GALNT13: variants seen among roughly 807,000 people sequenced by gnomAD.
GALNT13 encodes polypeptide N-acetylgalactosaminyltransferase 13.
In GALNT13, 28 loss-of-function variants were observed where a neutral mutation model predicts 64.2. The observed-to-expected ratio is 0.44, with a 90% CI of 0.32 to 0.60. The LOEUF (loss-of-function observed/expected upper bound fraction) is 0.60, where lower values mean the gene tolerates loss of function less well. GALNT13 is among the 20% of genes least tolerant of loss of function. GALNT13 has a pLI of 0.05. For missense variants in GALNT13, 577 were observed against 669.8 expected (o/e 0.86, Z 1.53); for synonymous variants, 214 against 224.6 (o/e 0.95, Z 0.42).
At chr2:154,450,300 G>A (rs1217528400) in intron 12 of GALNT13, 111 bp from the exon 13 acceptor site, 13 of 890,042 alleles carry the variant, frequency 1.5e-5, no homozygotes, top group Middle Eastern at 3.4e-4. Context: ...CTATCACAGT[G>A]TATTATACTA....
the GALNT13 span, among the ~76,000 whole-genome samples, chr2:153,539,918 G>A: frequency 1.3e-5 from 2 of 152,198 alleles, no homozygotes; most frequent in Non-Finnish European, 2.9e-5. Flanking sequence ...GAGCATAAAA[G>A]TTTGGAAAAT....
At chr2:153,655,347 AT>A in the GALNT13 span, among the ~76,000 whole-genome samples, 1 of 152,138 alleles carries the variant, frequency 6.6e-6, no homozygotes, top group Non-Finnish European at 1.5e-5. Context: ...CTAAAACGTG[AT>A]TCTACAGGTG....
At chr2:154,395,622 A>G (rs1699020649) in intron 9 of GALNT13, among the ~76,000 whole-genome samples, 1 of 152,166 alleles carries the variant, frequency 6.6e-6, no homozygotes, top group African/African-American at 2.4e-5. Context: ...GAATATTAAC[A>G]AAAACATTGG....
chr2:153,991,880 A>G (rs1695181800), intron 3 of GALNT13, among the ~76,000 whole-genome samples: 3 of 152,166 alleles, frequency 2.0e-5, no homozygotes, highest in Admixed American at 2.0e-4. Flanking sequence ...GTTGAAGGTC[A>G]TCATCATCTG....
chr2:153,824,397 C>T, the GALNT13 span, among the ~76,000 whole-genome samples: 591 of 152,244 alleles, frequency 3.9e-3, 6 homozygotes, highest in African/African-American at 0.013. Context: ...CAAAATAAAT[C>T]ATTTTACCAA....
At chr2:154,228,869 A>G (rs1688767537) in intron 4 of GALNT13, among the ~76,000 whole-genome samples, 2 of 152,068 alleles carry the variant, frequency 1.3e-5, no homozygotes, top group Admixed American at 1.3e-4. Flanking sequence ...GAATTTAGAT[A>G]AAACAAATAT....
chr2:154,431,686 T>C (rs1700716244), intron 11 of GALNT13, among the ~76,000 whole-genome samples: 1 of 152,236 alleles, frequency 6.6e-6, no homozygotes, highest in Admixed American at 6.5e-5. Context: ...TCATCTTGAA[T>C]TGTAGCTCCC....
chr2:153,145,996 G>A, the GALNT13 span, among the ~76,000 whole-genome samples: 2 of 151,702 alleles, frequency 1.3e-5, no homozygotes, highest in East Asian at 2.0e-4. Flanking sequence ...TCATGTCTTG[G>A]GAAACTCACT....
At position 154,113,089 on chromosome 2, in the gene GALNT13, G is replaced by A. The variant is rs116367208; in HGVS notation, c.143-27248G>A. ...AGGTGGCATGGTGCCTTGATGACCC[G>A]TAGGCAAACATTCAGTTTCCACCAA... On this transcript the variant is annotated intron_variant, in intron 3 of 12. Transcript: ENST00000392825. Among the ~76,000 whole-genome samples the A allele has an allele frequency of 5.4e-3, 817 of 152,238 alleles. 5 individuals carry two copies. The highest frequency in any genetic ancestry group is 9.3e-3 in the Non-Finnish European group (630 of 68,022).
the GALNT13 span, among the ~76,000 whole-genome samples, chr2:153,161,663 G>T: frequency 6.6e-6 from 1 of 152,122 alleles, no homozygotes; most frequent in Non-Finnish European, 1.5e-5. Flanking sequence ...TGGTGTGAGA[G>T]AAAATCATGA....
At chr2:153,728,177 C>T in the GALNT13 span, among the ~76,000 whole-genome samples, 1 of 152,142 alleles carries the variant, frequency 6.6e-6, no homozygotes, top group Non-Finnish European at 1.5e-5. Context: ...TAAATCCTTG[C>T]TCTTCTAGAT....
At chr2:153,319,838 C>T in the GALNT13 span, among the ~76,000 whole-genome samples, 1 of 152,100 alleles carries the variant, frequency 6.6e-6, no homozygotes, top group African/African-American at 2.4e-5. Context: ...TTTCATGGTT[C>T]CCATTTCTCA....
At chr2:153,612,249 ATT>A in the GALNT13 span, among the ~76,000 whole-genome samples, 1 of 152,128 alleles carries the variant, frequency 6.6e-6, no homozygotes, top group Non-Finnish European at 1.5e-5. Flanking sequence ...GGGGGTGTAA[ATT>A]AGTTCAACTG....
the GALNT13 span, among the ~76,000 whole-genome samples, chr2:153,838,059 T>C: frequency 2.0e-5 from 3 of 152,202 alleles, no homozygotes; most frequent in South Asian, 2.1e-4. Context: ...TTTGTATATC[T>C]TCTTTGGATA....
At chr2:153,229,963 A>C in the GALNT13 span, among the ~76,000 whole-genome samples, 1 of 152,214 alleles carries the variant, frequency 6.6e-6, no homozygotes, top group African/African-American at 2.4e-5. Context: ...ATGTCCAGTA[A>C]AATCATTTGC....
chr2:153,801,971 A>G, the GALNT13 span, among the ~76,000 whole-genome samples: 1 of 152,088 alleles, frequency 6.6e-6, no homozygotes, highest in Non-Finnish European at 1.5e-5. Flanking sequence ...TCTCATTAAT[A>G]TTCTCAAGAA....
the GALNT13 span, among the ~76,000 whole-genome samples, chr2:153,232,143 G>C: frequency 1.3e-5 from 2 of 152,148 alleles, no homozygotes; most frequent in South Asian, 4.1e-4. Context: ...ACACAAATAA[G>C]TACTTTCATG....
chr2:154,368,390 A>T (rs1456405048), intron 9 of GALNT13, among the ~76,000 whole-genome samples: 1 of 152,086 alleles, frequency 6.6e-6, no homozygotes, highest in Admixed American at 6.6e-5. Context: ...GACTGACCAG[A>T]TGCAGGCCTG....
At chr2:153,917,628 A>G (rs10198740) in intron 2 of GALNT13, among the ~76,000 whole-genome samples, 108,631 of 151,902 alleles carry the variant, frequency 0.72, 39,136 homozygotes, top group East Asian at 0.9. Context: ...ACATCCACTG[A>G]AATGAAACAG....
Sources: gnomAD v4.1 joint callset for allele counts (sites outside exome capture counted in the v4.1 genomes callset) on GRCh38, gnomAD v4.1.1 for gene constraint, MANE v1.5 for transcripts, NCBI Gene and HGNC (gene_info 2026-07-23, HGNC 2026-07-21) for gene names.